Variants in SGCD observed in about 807,000 individuals in gnomAD.
SGCD encodes sarcoglycan delta.
Under a neutral mutation model 36.6 loss-of-function variants are expected in SGCD, and 18 were observed. The observed-to-expected ratio is 0.49, with a 90% CI of 0.34 to 0.73. The LOEUF is 0.73. Ranked by LOEUF, SGCD falls within the 30% of genes least tolerant of loss-of-function variation. The probability of loss-of-function intolerance (pLI) is 0.01; values close to 1 mark genes in which losing one functional copy is unlikely to be tolerated. For synonymous variants in SGCD, 133 were observed against 130.6 expected (o/e 1.02, Z -0.12); for missense variants, 387 against 346.7 (o/e 1.12, Z -0.92).
At chr5:156,498,980 G>A (rs1234059370) in intron 3 of SGCD, among the ~76,000 whole-genome samples, 1 of 151,824 alleles carries the variant, frequency 6.6e-6, no homozygotes, top group East Asian at 1.9e-4. Context: ...ATGTGTTTAT[G>A]TGTTTTGGAA....
chr5:156,109,485 T>C (rs1334456186), intron 1 of SGCD, among the ~76,000 whole-genome samples: 1 of 152,212 alleles, frequency 6.6e-6, no homozygotes, highest in Non-Finnish European at 1.5e-5. Context: ...TAATGTAGCC[T>C]GGATGGCTCT....
chr5:155,957,210 A>G (rs1002868045), intron 1 of SGCD, among the ~76,000 whole-genome samples: 5 of 152,028 alleles, frequency 3.3e-5, no homozygotes, highest in African/African-American at 1.2e-4. Flanking sequence ...GAAGTGGGGA[A>G]GTCTGCGTAG....
At chr5:156,514,363 G>A (rs984823983) in intron 4 of SGCD, among the ~76,000 whole-genome samples, 10 of 152,180 alleles carry the variant, frequency 6.6e-5, no homozygotes, top group East Asian at 3.9e-4. Context: ...TAGGAAAGCC[G>A]TATCATGAAT....
At chr5:156,111,665 GAGAA>G (rs145021986) in intron 1 of SGCD, among the ~76,000 whole-genome samples, 26,520 of 151,970 alleles carry the variant, frequency 0.17, 3,733 homozygotes, top group East Asian at 0.46. Flanking sequence ...TGAAAGAACT[GAGAA>G]AGAAAAGCAG....
rs373544219 is a variant in SGCD at position 156,233,931 on chromosome 5, G to A, written c.-43-95603G>A. Among the ~76,000 whole-genome samples, 10 of 152,192 alleles carry A rather than the reference G, an allele frequency of 6.6e-5. No homozygotes were observed. In the East Asian group the frequency reaches 1.5e-3, roughly 24 times the overall value. ...TTTTGTTTTTTTAAAAAAGAAATGT[G>A]TTGTTTTTTCTCAAAAACTTTTTGT... On this transcript the variant is annotated intron_variant, in intron 3 of 9. Transcript: ENST00000517913.
chr5:156,714,012 A>G (rs948383376), intron 7 of SGCD, among the ~76,000 whole-genome samples: 6 of 152,258 alleles, frequency 3.9e-5, no homozygotes, highest in African/African-American at 1.4e-4. Flanking sequence ...CATACGTGAA[A>G]GGAATTGCAA....
intron 3 of SGCD, among the ~76,000 whole-genome samples, chr5:156,229,138 C>G (rs767310716): frequency 1.3e-4 from 20 of 151,288 alleles, no homozygotes; most frequent in Middle Eastern, 3.4e-3. Context: ...AGTTTTGAAA[C>G]TTGGGCTGGC....
intron 3 of SGCD, among the ~76,000 whole-genome samples, chr5:156,394,196 G>C (rs1235327842): frequency 1.3e-5 from 2 of 152,120 alleles, no homozygotes; most frequent in Admixed American, 1.3e-4. Flanking sequence ...GCTTTGTTTG[G>C]GGGGTGGTGG....
chr5:156,520,375 C>T (rs770246623), intron 4 of SGCD, among the ~76,000 whole-genome samples: 3 of 152,132 alleles, frequency 2.0e-5, no homozygotes, highest in Non-Finnish European at 2.9e-5. Flanking sequence ...AGGACACAAA[C>T]AAATGGAAAA....
chr5:156,082,382 G>A (rs1042228812), intron 1 of SGCD, among the ~76,000 whole-genome samples: 24 of 152,120 alleles, frequency 1.6e-4, no homozygotes, highest in Admixed American at 1.2e-3. Context: ...CTGAGCCCCA[G>A]TGCCTCTCAG....
chr5:156,248,508 G>A (rs1004159420), intron 3 of SGCD, among the ~76,000 whole-genome samples: 22 of 152,102 alleles, frequency 1.4e-4, no homozygotes, highest in African/African-American at 5.3e-4. Flanking sequence ...ACAGAGTGAG[G>A]CTCCGTCTAA....
chr5:156,128,099 T>C (rs958462726), intron 3 of SGCD, among the ~76,000 whole-genome samples: 1 of 151,540 alleles, frequency 6.6e-6, no homozygotes, highest in Non-Finnish European at 1.5e-5. Flanking sequence ...ATATTTAACA[T>C]ACATATGAAC....
At chr5:156,271,994 C>T (rs1323055166) in intron 3 of SGCD, among the ~76,000 whole-genome samples, 1 of 152,102 alleles carries the variant, frequency 6.6e-6, no homozygotes, top group Non-Finnish European at 1.5e-5. Context: ...TGTCACTTGT[C>T]TTATAATTTA....
chr5:156,319,760 T>A (rs922200140), intron 3 of SGCD, among the ~76,000 whole-genome samples: 1 of 152,242 alleles, frequency 6.6e-6, no homozygotes, highest in Non-Finnish European at 1.5e-5. Context: ...CGTCTTCTTT[T>A]CAGTTTTCAG....
intron 3 of SGCD, among the ~76,000 whole-genome samples, chr5:156,185,082 G>A (rs1157703820): frequency 6.6e-6 from 1 of 152,082 alleles, no homozygotes; most frequent in Non-Finnish European, 1.5e-5. Context: ...GTCAGTCTCT[G>A]AGTTATTTGA....
At chr5:156,112,423 T>TCC (rs141836059) in intron 1 of SGCD, among the ~76,000 whole-genome samples, 1,980 of 152,308 alleles carry the variant, frequency 0.013, 49 homozygotes, top group African/African-American at 0.045. Flanking sequence ...CTGTGGATTC[T>TCC]TAAGACATAT....
At chr5:155,732,973 C>G in the SGCD span, among the ~76,000 whole-genome samples, 190 of 149,906 alleles carry the variant, frequency 1.3e-3, no homozygotes, top group Admixed American at 3.4e-3. Flanking sequence ...TTTGCAAGCT[C>G]TTTGAGAAGT....
chr5:155,804,282 A>G, the SGCD span, among the ~76,000 whole-genome samples: 1 of 152,210 alleles, frequency 6.6e-6, no homozygotes, highest in Non-Finnish European at 1.5e-5. Flanking sequence ...TATTATCCAC[A>G]TTTTGCATTT....
chr5:155,948,683 A>G (rs1757489972), intron 1 of SGCD, among the ~76,000 whole-genome samples: 1 of 152,172 alleles, frequency 6.6e-6, no homozygotes, highest in African/African-American at 2.4e-5. Context: ...TGGGGTTAGA[A>G]TCTTTAGTGT....
Sources: gnomAD v4.1 joint callset for allele counts (sites outside exome capture counted in the v4.1 genomes callset) on GRCh38, gnomAD v4.1.1 for gene constraint, MANE v1.5 for transcripts, NCBI Gene and HGNC (gene_info 2026-07-23, HGNC 2026-07-21) for gene names.